Variants in POMP observed in about 807,000 individuals in gnomAD.
The protein encoded by POMP is 2510048O06Rik.
POMP carries 12 observed loss-of-function variants against 20.6 expected under a neutral mutation model. That is an observed-to-expected ratio of 0.58 (90% CI 0.37 to 0.94). The LOEUF (loss-of-function observed/expected upper bound fraction) is 0.94, where lower values mean the gene tolerates loss of function less well. Among genes scored for constraint, POMP ranks in the 40% least tolerant of loss-of-function variants. The pLI is 0.01. For missense variants in POMP, 136 were observed against 161.1 expected (o/e 0.84, Z 0.84); for synonymous variants, 53 against 55.0 (o/e 0.96, Z 0.16).
intron 5 of POMP, among the ~76,000 whole-genome samples, chr13:28,673,444 C>CT (rs567218212): frequency 3.5e-4 from 54 of 152,208 alleles, no homozygotes; most frequent in Non-Finnish European, 5.7e-4. Context: ...GCAGCATCCT[C>CT]TATTTTTTCT....
chr13:28,664,309 T>G (rs574279407), intron 2 of POMP, among the ~76,000 whole-genome samples, 200 bp from the exon 3 acceptor site: 3 of 152,274 alleles, frequency 2.0e-5, no homozygotes, highest in African/African-American at 7.2e-5. Context: ...TATACCTTTT[T>G]TTTTCCTTTT....
Position 28,678,260 on chromosome 13 carries a change from G to T in POMP, c.*158G>T. The T allele has an allele frequency of 1.4e-6, 1 of 710,562 alleles. No homozygotes were observed. The highest frequency in any genetic ancestry group is 2.5e-6 in the Non-Finnish European group (1 of 398,020). The allele number at this position is 710,562 out of a possible 1,614,324, so 44.0% of individuals were successfully genotyped here. A position where few individuals can be genotyped will look rare whatever the true frequency, so the allele number is the denominator to read the frequency against. ...AATTTGGAGGGGTCTTTGGTTTACA[G>T]CCATGTGACAATTAAAAGCACTAAA... is the stretch of plus-strand genomic sequence containing the variant. On this transcript the variant is annotated 3_prime_UTR_variant, in exon 6 of 6. Coordinates refer to ENST00000380842, the MANE Select transcript of POMP (RefSeq NM_015932.6).
At chr13:28,673,359 G>A (rs1884583087) in intron 5 of POMP, among the ~76,000 whole-genome samples, 1 of 152,168 alleles carries the variant, frequency 6.6e-6, no homozygotes, top group Non-Finnish European at 1.5e-5. Context: ...GTGAGCCACT[G>A]CACCCGGCCG....
chr13:28,668,364 T>C, intron 3 of POMP, 109 bp from the exon 4 acceptor site: 1 of 773,066 alleles, frequency 1.3e-6, no homozygotes. Flanking sequence ...ATTACAGGTA[T>C]GGATATTAAA....
chr13:28,659,872 T>C (rs1387419221), intron 1 of POMP: 1 of 152,418 alleles, frequency 6.6e-6, no homozygotes, highest in Non-Finnish European at 1.5e-5. Flanking sequence ...GACTCTGATA[T>C]CGGTACTGCT....
intron 2 of POMP, among the ~76,000 whole-genome samples, chr13:28,662,779 A>G (rs186528472): frequency 2.0e-3 from 298 of 152,260 alleles, no homozygotes; most frequent in African/African-American, 6.5e-3. Context: ...TTTTTTTGCT[A>G]CTGATAACTT....
chr13:28,666,233 C>A (rs918234782), intron 3 of POMP, among the ~76,000 whole-genome samples: 3 of 152,108 alleles, frequency 2.0e-5, no homozygotes, highest in African/African-American at 7.2e-5. Context: ...CTCTGTAAAA[C>A]TTGACTATTT....
In POMP at chr13:28,662,474, G is replaced by A. The variant is rs758076060; in HGVS notation, c.68G>A (p.Gly23Glu). 6.2e-7 allele frequency: 1 copy of A among 1,613,764 alleles called. No individual in the cohort carries two copies. The highest frequency in any genetic ancestry group is 8.5e-7 in the Non-Finnish European group (1 of 1,179,718). The change falls in exon 2 of 6, where the codon GGA (glycine) becomes GAA (glutamate). Residue 23 changes from glycine (G) to glutamate (E), a missense_variant. Coordinates refer to ENST00000380842, the MANE Select transcript of POMP (RefSeq NM_015932.6). ...CCAGTTACTGAACTTTCAGCAAGTG[G>A]ACCTTTTGAAAGTCATGATCTTCTT... ...SIPVTELSAS[G>E]PFESHDLLRK...
intron 1 of POMP, among the ~76,000 whole-genome samples, chr13:28,660,589 T>C (rs1884320256): frequency 1.3e-5 from 2 of 152,232 alleles, no homozygotes. Flanking sequence ...GCATTTGTAG[T>C]CCTGGTAGGA....
Position 28,678,264 on chromosome 13 carries a change from T to A in POMP, c.*162T>A. Reference sequence around the variant, plus strand: ...TGGAGGGGTCTTTGGTTTACAGCCATGTGACAATTAAAAGCACTAAAGGGA... The same window carrying A: ...TGGAGGGGTCTTTGGTTTACAGCCAAGTGACAATTAAAAGCACTAAAGGGA... On this transcript the variant is annotated 3_prime_UTR_variant, in exon 6 of 6. Coordinates refer to ENST00000380842, the MANE Select transcript of POMP (RefSeq NM_015932.6). 1.4e-6 allele frequency: 1 copy of A among 700,272 alleles called. No individual in the cohort carries two copies. The highest frequency in any genetic ancestry group is 2.6e-6 in the Non-Finnish European group (1 of 390,708). 43.4% of individuals were successfully genotyped at this position (700,272 alleles called of 1,614,324 possible).
Position 28,678,246 on chromosome 13 carries a change from G to A in POMP, c.*144G>A. Reference sequence around the variant, plus strand: ...CAGTGATCATTTAAAATTTGGAGGGGTCTTTGGTTTACAGCCATGTGACAA... The same window carrying A: ...CAGTGATCATTTAAAATTTGGAGGGATCTTTGGTTTACAGCCATGTGACAA... On this transcript the variant is annotated 3_prime_UTR_variant, in exon 6 of 6. Coordinates refer to ENST00000380842, the MANE Select transcript of POMP (RefSeq NM_015932.6). 1.2e-6 allele frequency: 1 copy of A among 805,226 alleles called. No individual in the cohort carries two copies. The allele number at this position is 805,226 out of a possible 1,614,324, so 49.9% of individuals were successfully genotyped here.
intron 5 of POMP, among the ~76,000 whole-genome samples, chr13:28,673,786 G>T (rs943183749): frequency 3.9e-5 from 6 of 152,178 alleles, no homozygotes; most frequent in Admixed American, 3.9e-4. Flanking sequence ...CTGTAATTCT[G>T]TTTAAAGAAA....
intron 2 of POMP, among the ~76,000 whole-genome samples, chr13:28,663,685 C>T (rs1473788544): frequency 1.3e-5 from 2 of 152,180 alleles, no homozygotes; most frequent in Non-Finnish European, 2.9e-5. Flanking sequence ...TCATTACAGA[C>T]TTTCAGTTTT....
intron 1 of POMP, among the ~76,000 whole-genome samples, chr13:28,660,331 C>T (rs1334351932): frequency 6.6e-6 from 1 of 152,194 alleles, no homozygotes; most frequent in Non-Finnish European, 1.5e-5. Flanking sequence ...TACAGCCATT[C>T]TGTTTTTCAC....
intron 4 of POMP, among the ~76,000 whole-genome samples, chr13:28,671,414 A>G (rs1037306610): frequency 6.7e-6 from 1 of 150,104 alleles, no homozygotes; most frequent in Non-Finnish European, 1.5e-5. Context: ...TTTTAATACT[A>G]TTTGATCCAA....
chr13:28,664,709 T>G, intron 3 of POMP, 140 bp downstream of exon 3: 1 of 594,580 alleles, frequency 1.7e-6, no homozygotes, highest in South Asian at 2.2e-5. Context: ...AAACCCCTTG[T>G]AGGATAGACT....
At chr13:28,665,674 G>C (rs1311472418) in intron 3 of POMP, among the ~76,000 whole-genome samples, 1 of 152,216 alleles carries the variant, frequency 6.6e-6, no homozygotes, top group African/African-American at 2.4e-5. Context: ...ACTATTGAGT[G>C]AGCTGTGAGC....
chr13:28,664,405 C>A, intron 2 of POMP, 104 bp from the exon 3 acceptor site: 1 of 747,850 alleles, frequency 1.3e-6, no homozygotes, highest in Non-Finnish European at 2.3e-6. Flanking sequence ...TTTGTCACCC[C>A]AAAAAACTCT....
intron 5 of POMP, among the ~76,000 whole-genome samples, chr13:28,675,491 T>C (rs1230113520): frequency 6.6e-6 from 1 of 152,086 alleles, no homozygotes; most frequent in Non-Finnish European, 1.5e-5. Context: ...ACCACTGTAT[T>C]TGGGGTAGTT....
Sources: allele counts gnomAD v4.1 joint callset (sites outside exome capture counted in the v4.1 genomes callset), GRCh38; gene constraint gnomAD v4.1.1; transcripts MANE v1.5; gene names NCBI Gene and HGNC (gene_info 2026-07-23, HGNC 2026-07-21).